LINGO2: variants seen among roughly 807,000 people sequenced by gnomAD.
LINGO2 encodes the protein leucine rich repeat and Ig domain containing 2, also known as leucine-rich repeat and immunoglobulin-like domain-containing nogo receptor-interacting protein 2.
In LINGO2, 14 loss-of-function variants were observed where a neutral mutation model predicts 30.6. That is an observed-to-expected ratio of 0.46 (90% CI 0.30 to 0.72). The LOEUF is 0.72. LINGO2 is among the 30% of genes least tolerant of loss of function. The pLI is 0.07. For synonymous variants in LINGO2, 317 were observed against 288.5 expected, an observed-to-expected ratio of 1.10 and a Z score of -1.00; for missense variants, 729 against 751.7, an observed-to-expected ratio of 0.97 and a Z score of 0.35.
At chr9:28,413,474 G>T (rs527991545) in intron 2 of LINGO2, among the ~76,000 whole-genome samples, 55 of 152,004 alleles carry the variant, frequency 3.6e-4, no homozygotes, top group Non-Finnish European at 7.8e-4. Context: ...GAACTCTATA[G>T]GCTTAAAATG....
At chr9:29,086,887 A>T in the LINGO2 span, among the ~76,000 whole-genome samples, 3 of 147,358 alleles carry the variant, frequency 2.0e-5, no homozygotes. Context: ...AATTAAGAGC[A>T]GTGATTTTTT....
chr9:28,875,050 G>A, the LINGO2 span, among the ~76,000 whole-genome samples: 1 of 151,996 alleles, frequency 6.6e-6, no homozygotes, highest in Non-Finnish European at 1.5e-5. Flanking sequence ...CTACTGATTT[G>A]ACACAGCTTG....
At chr9:28,055,477 TAA>T (rs1293050960) in intron 4 of LINGO2, among the ~76,000 whole-genome samples, 2 of 152,130 alleles carry the variant, frequency 1.3e-5, no homozygotes, top group East Asian at 3.9e-4. Context: ...TAAGAACTTG[TAA>T]AAAGAGAGTA....
chr9:29,208,222 T>C, the LINGO2 span, among the ~76,000 whole-genome samples: 3 of 151,960 alleles, frequency 2.0e-5, no homozygotes, highest in Non-Finnish European at 4.4e-5. Context: ...ATATTAAGTA[T>C]ACTCACAAGA....
intron 3 of LINGO2, among the ~76,000 whole-genome samples, chr9:28,297,187 G>A (rs1823953393): frequency 6.6e-6 from 1 of 152,048 alleles, no homozygotes; most frequent in South Asian, 2.1e-4. Context: ...CTTTGGTTCT[G>A]CCACTTATTA....
At chr9:28,057,328 G>T (rs1191078023) in intron 4 of LINGO2, among the ~76,000 whole-genome samples, 2 of 151,328 alleles carry the variant, frequency 1.3e-5, no homozygotes, top group Non-Finnish European at 2.9e-5. Context: ...TTATGATAAT[G>T]TGTATTGTAA....
the LINGO2 span, among the ~76,000 whole-genome samples, chr9:29,011,730 T>C: frequency 6.6e-6 from 1 of 152,188 alleles, no homozygotes; most frequent in African/African-American, 2.4e-5. Flanking sequence ...CCTGGCTTTG[T>C]AGGCAAAGTA....
intron 2 of LINGO2, among the ~76,000 whole-genome samples, chr9:28,394,746 A>C (rs935696752): frequency 6.6e-6 from 1 of 152,224 alleles, no homozygotes; most frequent in Admixed American, 6.5e-5. Context: ...AGTACTATAC[A>C]TATAGATTCT....
At chr9:28,225,053 A>G (rs1362225733) in intron 4 of LINGO2, among the ~76,000 whole-genome samples, 3 of 152,158 alleles carry the variant, frequency 2.0e-5, no homozygotes, top group Non-Finnish European at 4.4e-5. Context: ...TGGGAAGACT[A>G]GATATCCATA....
At chr9:28,071,260 T>A (rs889973119) in intron 4 of LINGO2, among the ~76,000 whole-genome samples, 6 of 152,192 alleles carry the variant, frequency 3.9e-5, no homozygotes, top group Non-Finnish European at 8.8e-5. Context: ...GGTGCTCAGC[T>A]CTTAACAACT....
the LINGO2 span, among the ~76,000 whole-genome samples, chr9:28,801,340 T>C: frequency 0.042 from 6,339 of 152,082 alleles, 177 homozygotes; most frequent in Non-Finnish European, 0.062. Flanking sequence ...CAAGAACTTA[T>C]AAAAAATAAT....
the LINGO2 span, among the ~76,000 whole-genome samples, chr9:28,787,655 T>C: frequency 6.6e-6 from 1 of 152,160 alleles, no homozygotes; most frequent in African/African-American, 2.4e-5. Flanking sequence ...TTTAGAATCT[T>C]GTCCTTAGTA....
chr9:28,282,476 T>C (rs138129984), intron 4 of LINGO2, among the ~76,000 whole-genome samples: 20 of 152,068 alleles, frequency 1.3e-4, no homozygotes, highest in East Asian at 1.9e-4. Context: ...AGAATTCTAT[T>C]TGATGAAAGA....
rs1827834482 is a variant in LINGO2 at position 28,147,055 on chromosome 9, C to T, written c.-86-134650G>A. Among the ~76,000 whole-genome samples the T allele has an allele frequency of 6.6e-6, 1 of 152,176 alleles. No homozygotes were observed. Among genetic ancestry groups the T allele is most frequent in the Admixed American group, 6.5e-5 (1 of 15,280 alleles). On this transcript the variant is annotated intron_variant, in intron 4 of 5. Transcript: ENST00000379992. The surrounding 1 kb of genome is among the most constrained non-coding windows in gnomAD (Gnocchi z 4.7). ...ATGTGGGATGGTGCTGTGCTGACAA[C>T]TGGTAATTCCTGCCCTACATCTTTG...
At chr9:28,202,364 G>C (rs778925723) in intron 4 of LINGO2, among the ~76,000 whole-genome samples, 19 of 151,904 alleles carry the variant, frequency 1.3e-4, no homozygotes, top group Admixed American at 1.1e-3. Context: ...AAATACACCT[G>C]CACATTTTGA....
intron 1 of LINGO2, among the ~76,000 whole-genome samples, chr9:28,643,264 A>G (rs994502548): frequency 6.6e-6 from 1 of 152,056 alleles, no homozygotes; most frequent in Non-Finnish European, 1.5e-5. Context: ...AAACAGGAAA[A>G]ATCACATGAC....
intron 4 of LINGO2, among the ~76,000 whole-genome samples, chr9:28,227,041 G>A (rs927034704): frequency 1.3e-5 from 2 of 152,002 alleles, no homozygotes; most frequent in Admixed American, 1.3e-4. Context: ...CTAACCCATT[G>A]GATTATTATG....
At chr9:28,868,260 C>G in the LINGO2 span, among the ~76,000 whole-genome samples, 1 of 152,152 alleles carries the variant, frequency 6.6e-6, no homozygotes, top group South Asian at 2.1e-4. Context: ...TGATTTTATA[C>G]TCCAGGAAGT....
the LINGO2 span, among the ~76,000 whole-genome samples, chr9:28,829,534 C>T: frequency 2.6e-5 from 4 of 152,192 alleles, no homozygotes; most frequent in Non-Finnish European, 4.4e-5. Flanking sequence ...AGTTTTGCTC[C>T]TGCCAGTGCA....
Sources: allele counts gnomAD v4.1 joint callset (sites outside exome capture counted in the v4.1 genomes callset), GRCh38; gene constraint gnomAD v4.1.1; non-coding constraint Gnocchi (gnomAD v3.1); transcripts MANE v1.5; gene names NCBI Gene and HGNC (gene_info 2026-07-23, HGNC 2026-07-21).